PRR5L: variants seen among roughly 807,000 people sequenced by gnomAD.
PRR5L encodes the protein proline-rich protein 5-like.
A neutral mutation model predicts 36.4 loss-of-function variants in PRR5L; 21 were observed. The observed-to-expected ratio is 0.58, with a 90% confidence interval of 0.41 to 0.83. PRR5L has a LOEUF of 0.83. Ranked by LOEUF, PRR5L falls within the 40% of genes least tolerant of loss-of-function variation. PRR5L has a pLI of 0.00. For missense variants in PRR5L, 381 were observed against 473.3 expected (o/e 0.80, Z 1.81); for synonymous variants, 188 against 197.0 (o/e 0.95, Z 0.38).
chr11:36,399,099 C>G (rs1857732708), intron 1 of PRR5L, among the ~76,000 whole-genome samples: 1 of 152,210 alleles, frequency 6.6e-6, no homozygotes, highest in East Asian at 1.9e-4. Context: ...GGCTTTATTT[C>G]TTCATCACCT....
At chr11:36,316,713 A>G (rs1856561547) in intron 1 of PRR5L, among the ~76,000 whole-genome samples, 2 of 152,096 alleles carry the variant, frequency 1.3e-5, no homozygotes, top group Non-Finnish European at 2.9e-5. Context: ...TATCCCTAGG[A>G]GCAATTTGGG....
chr11:36,385,886 A>C (rs1857448901), intron 1 of PRR5L, among the ~76,000 whole-genome samples: 1 of 152,252 alleles, frequency 6.6e-6, no homozygotes. Context: ...CCCCGTGGAC[A>C]ATAATGCTTA....
Position 36,451,334 on chromosome 11 carries a change from G to T in PRR5L, c.711G>T (p.Leu237=). ...DRSFSGPTYT[L]ARRHSRVRPK... ...GCTTCTCAGGCCCCACGTACACGCT[G>T]GGTAAGGAGTGCAGCTCTCAAGTTG... The change falls in exon 8 of 9, where the codon CTG becomes CTT. Residue 237 remains leucine, a splice_region_variant and synonymous_variant. Transcript: ENST00000530639. The T allele has an allele frequency of 6.2e-7, 1 of 1,613,964 alleles. No individual in the cohort carries two copies. Among genetic ancestry groups the T allele is most frequent in the South Asian group, 1.1e-5 (1 of 91,056 alleles).
chr11:36,348,786 C>T (rs1250491433), intron 1 of PRR5L, among the ~76,000 whole-genome samples: 1 of 152,170 alleles, frequency 6.6e-6, no homozygotes, highest in African/African-American at 2.4e-5. Flanking sequence ...AATGACATCA[C>T]AACACCCCTA....
intron 1 of PRR5L, among the ~76,000 whole-genome samples, chr11:36,341,073 A>T (rs1856812584): frequency 6.6e-6 from 1 of 152,214 alleles, no homozygotes; most frequent in African/African-American, 2.4e-5. Flanking sequence ...AGGCAGGCAG[A>T]TGGAGAGGCA....
chr11:36,380,927 A>G (rs901179177), intron 1 of PRR5L, among the ~76,000 whole-genome samples: 1 of 152,234 alleles, frequency 6.6e-6, no homozygotes, highest in East Asian at 1.9e-4. Context: ...GGAGAGCAGT[A>G]GAAATCCATC....
intron 8 of PRR5L, among the ~76,000 whole-genome samples, chr11:36,457,576 A>C (rs1250441304): frequency 6.6e-6 from 1 of 151,268 alleles, no homozygotes; most frequent in Non-Finnish European, 1.5e-5. Flanking sequence ...ACTGCACTCC[A>C]GCCTGGGCAA....
At chr11:36,376,479 G>T (rs1324935642) in intron 1 of PRR5L, 19 of 1,101,856 alleles carry the variant, frequency 1.7e-5, no homozygotes, top group African/African-American at 3.3e-5. Context: ...ACCGAGGCTG[G>T]ACGGGACCCC....
chr11:36,350,650 A>C (rs1590468340), intron 1 of PRR5L, among the ~76,000 whole-genome samples: 2 of 151,656 alleles, frequency 1.3e-5, no homozygotes, highest in Admixed American at 1.3e-4. Flanking sequence ...CGAGCAGTGT[A>C]CACTGTACCC....
chr11:36,371,544 G>A (rs1223462674), intron 1 of PRR5L, among the ~76,000 whole-genome samples: 1 of 152,182 alleles, frequency 6.6e-6, no homozygotes, highest in Non-Finnish European at 1.5e-5. Context: ...CACAAGTTGT[G>A]CTAGGCATTA....
intron 1 of PRR5L, chr11:36,328,997 C>G (rs72950012): frequency 0.023 from 3,435 of 152,236 alleles, 80 homozygotes; most frequent in East Asian, 0.099. Flanking sequence ...GGGAGTTAGG[C>G]CTTTATGTGC....
intron 8 of PRR5L, among the ~76,000 whole-genome samples, chr11:36,455,106 A>G (rs1182114200): frequency 2.0e-5 from 3 of 151,984 alleles, no homozygotes; most frequent in Non-Finnish European, 4.4e-5. Flanking sequence ...GCCTCCCTCC[A>G]TTGTGTCTGC....
chr11:36,328,061 C>T (rs531548330), intron 1 of PRR5L, among the ~76,000 whole-genome samples: 1 of 152,252 alleles, frequency 6.6e-6, no homozygotes, highest in South Asian at 2.1e-4. Flanking sequence ...CAGAGTTTGC[C>T]TTTTCTGTCA....
At chr11:36,435,149 T>A (rs976459783) in intron 5 of PRR5L, among the ~76,000 whole-genome samples, 7 of 152,180 alleles carry the variant, frequency 4.6e-5, no homozygotes, top group African/African-American at 1.7e-4. Context: ...ACCTTGGTTC[T>A]AGGAACCAGG....
At chr11:36,451,966 C>T (rs543839950) in intron 8 of PRR5L, among the ~76,000 whole-genome samples, 2 of 151,946 alleles carry the variant, frequency 1.3e-5, no homozygotes, top group African/African-American at 2.4e-5. Context: ...TCTGTTCCTT[C>T]TCTCAGTGAC....
At chr11:36,437,325 A>G in intron 5 of PRR5L, 60 bp from the exon 6 acceptor site, 2 of 1,128,780 alleles carry the variant, frequency 1.8e-6, no homozygotes, top group East Asian at 2.3e-5. Flanking sequence ...GGCCTCTCCT[A>G]CAAGTAATGA....
At chr11:36,400,622 G>A (rs330260) in intron 1 of PRR5L, among the ~76,000 whole-genome samples, 108,574 of 152,082 alleles carry the variant, frequency 0.71, 40,835 homozygotes, top group Middle Eastern at 0.86. Context: ...AGGAGCTCTT[G>A]TGTCCTCCTT....
chr11:36,418,131 A>G (rs1858185862), intron 3 of PRR5L, among the ~76,000 whole-genome samples: 1 of 152,234 alleles, frequency 6.6e-6, no homozygotes, highest in Admixed American at 6.5e-5. Context: ...GCCCCCAAGA[A>G]GAGAGCAGAG....
chr11:36,359,016 C>T (rs112612986), intron 1 of PRR5L, among the ~76,000 whole-genome samples: 1 of 152,148 alleles, frequency 6.6e-6, no homozygotes, highest in Non-Finnish European at 1.5e-5. Context: ...AACGTGGACC[C>T]ACACTGACTT....
Sources: gnomAD v4.1 joint callset for allele counts (sites outside exome capture counted in the v4.1 genomes callset) on GRCh38, gnomAD v4.1.1 for gene constraint, MANE v1.5 for transcripts, NCBI Gene and HGNC (gene_info 2026-07-23, HGNC 2026-07-21) for gene names.